Variants in CYP7B1 observed in about 807,000 individuals in gnomAD.
CYP7B1 encodes cytochrome P450 family 7 subfamily B member 1.
CYP7B1 carries 29 observed loss-of-function variants against 42.7 expected under a neutral mutation model. The ratio of observed to expected loss-of-function variants is 0.68; its 90% CI spans 0.51 to 0.93. The LOEUF (loss-of-function observed/expected upper bound fraction) is 0.93, where lower values mean the gene tolerates loss of function less well. Among genes scored for constraint, CYP7B1 ranks in the 40% least tolerant of loss-of-function variants. The pLI is 0.00. For missense variants in CYP7B1, 655 were observed against 600.5 expected (o/e 1.09, Z -0.95); for synonymous variants, 235 against 218.2 (o/e 1.08, Z -0.68).
chr8:64,661,035 T>A (rs1806192550), intron 1 of CYP7B1, among the ~76,000 whole-genome samples: 1 of 152,238 alleles, frequency 6.6e-6, no homozygotes, highest in Non-Finnish European at 1.5e-5. Flanking sequence ...GAAGAGAAGC[T>A]TAATGGAAGC....
chr8:64,609,657 AATTT>A (rs148775285), intron 4 of CYP7B1, among the ~76,000 whole-genome samples: 4,456 of 152,282 alleles, frequency 0.029, 107 homozygotes, highest in Middle Eastern at 0.051. Flanking sequence ...CAGAATTATT[AATTT>A]ATGTCCCTAG....
chr8:64,771,301 C>T (rs1464222619), intron 1 of CYP7B1, among the ~76,000 whole-genome samples: 1 of 151,560 alleles, frequency 6.6e-6, no homozygotes, highest in Non-Finnish European at 1.5e-5. Context: ...ACCTCATGAT[C>T]CGCCCGCCTC....
intron 1 of CYP7B1, among the ~76,000 whole-genome samples, chr8:64,783,000 A>T (rs1804455643): frequency 6.6e-6 from 1 of 152,174 alleles, no homozygotes; most frequent in Non-Finnish European, 1.5e-5. Context: ...GCATAACATG[A>T]TGCACTAAGT....
chr8:64,677,588 G>A (rs1041001384), intron 1 of CYP7B1, among the ~76,000 whole-genome samples: 1 of 151,082 alleles, frequency 6.6e-6, no homozygotes, highest in African/African-American at 2.4e-5. Context: ...AAGCTCTATC[G>A]CCATCACATT....
chr8:64,610,463 C>T (rs1298751503), intron 4 of CYP7B1, among the ~76,000 whole-genome samples: 1 of 152,098 alleles, frequency 6.6e-6, no homozygotes, highest in East Asian at 1.9e-4. Context: ...ATCTTTTAAG[C>T]TTTTGAATAC....
At chr8:64,681,465 C>G (rs1806537048) in intron 1 of CYP7B1, among the ~76,000 whole-genome samples, 1 of 152,172 alleles carries the variant, frequency 6.6e-6, no homozygotes, top group African/African-American at 2.4e-5. Context: ...CCATGTTGAA[C>G]AAGGATGGAT....
intron 1 of CYP7B1, among the ~76,000 whole-genome samples, chr8:64,782,781 C>T (rs940996603): frequency 6.6e-6 from 1 of 152,014 alleles, no homozygotes; most frequent in African/African-American, 2.4e-5. Context: ...CCTGCAGGTC[C>T]CATGAATCAT....
chr8:64,588,231 AAG>A (rs1043547870), downstream of CYP7B1, among the ~76,000 whole-genome samples: 2 of 152,230 alleles, frequency 1.3e-5, no homozygotes, highest in Admixed American at 1.3e-4. Context: ...TAAAATAAAA[AAG>A]AAAAATAGAT....
Position 64,673,732 on chromosome 8 carries a change from G to A in CYP7B1, c.123-49193C>T, listed in dbSNP as rs933149966. ...TTAACCATAATAAACGGGCAGACAA[G>A]GTGACAGTGGAAACAGGTCCTTGAT... On this transcript the variant is annotated intron_variant, in intron 1 of 5. Coordinates refer to ENST00000310193, the MANE Select transcript of CYP7B1 (RefSeq NM_004820.5). Among the ~76,000 whole-genome samples the A allele has an allele frequency of 2.6e-5, 4 of 152,182 alleles. No homozygotes were observed. In the South Asian group the frequency reaches 8.3e-4, roughly 32 times the overall value.
intron 5 of CYP7B1, among the ~76,000 whole-genome samples, chr8:64,598,388 C>A (rs1805149158): frequency 1.3e-5 from 2 of 152,132 alleles, no homozygotes. Context: ...GGGGCTCAAG[C>A]CTGCTTGCCT....
intron 1 of CYP7B1, among the ~76,000 whole-genome samples, chr8:64,652,296 C>T (rs187465328): frequency 1.3e-5 from 2 of 152,216 alleles, no homozygotes; most frequent in Admixed American, 1.3e-4. Flanking sequence ...CTATTCAGAA[C>T]CTGAACTCAA....
At chr8:64,767,889 A>G (rs1804133385) in intron 1 of CYP7B1, among the ~76,000 whole-genome samples, 2 of 152,174 alleles carry the variant, frequency 1.3e-5, no homozygotes, top group Admixed American at 1.3e-4. Context: ...CCATGCTCCA[A>G]TGTTAATGAC....
Position 64,604,876 on chromosome 8 carries a change from C to G in CYP7B1, c.1058-19G>C, listed in dbSNP as rs529157743. ...CTGCTTTCTGAAGGAAAAAAACAAA[C>G]GATAGCTTATTAAGATAGGGCTGGT... is the stretch of plus-strand genomic sequence containing the variant. On this transcript the variant is annotated intron_variant, in intron 4 of 5. Transcript: ENST00000310193. 3.7e-6 allele frequency: 6 copies of G among 1,611,080 alleles called. No homozygotes were observed. The highest frequency in any genetic ancestry group is 2.5e-6 in the Non-Finnish European group (3 of 1,179,258).
Position 64,719,602 on chromosome 8 carries a change from G to T in CYP7B1, c.122+78864C>A, listed in dbSNP as rs1233649484. Among the ~76,000 whole-genome samples the T allele has an allele frequency of 2.0e-5, 3 of 152,214 alleles. No homozygotes were observed. In the East Asian group the frequency reaches 5.8e-4, roughly 29 times the overall value. On this transcript the variant is annotated intron_variant, in intron 1 of 5. Transcript: ENST00000310193. ...TAAAGCATCCAACAATCAGAGTTAA[G>T]GTTTTATTTATTGGCTTTGACCATT...
intron 1 of CYP7B1, among the ~76,000 whole-genome samples, chr8:64,782,069 C>T (rs1170153220): frequency 2.0e-5 from 3 of 152,064 alleles, no homozygotes; most frequent in Non-Finnish European, 2.9e-5. Context: ...CAAAAGTCAC[C>T]ATTTGTATTA....
At chr8:64,602,829 A>C (rs1248956925) in intron 5 of CYP7B1, among the ~76,000 whole-genome samples, 1 of 152,218 alleles carries the variant, frequency 6.6e-6, no homozygotes, top group African/African-American at 2.4e-5. Flanking sequence ...GTTGTTAAGA[A>C]TCAAAGGAAT....
intron 1 of CYP7B1, among the ~76,000 whole-genome samples, chr8:64,696,428 A>C (rs1468366599): frequency 6.6e-6 from 1 of 152,220 alleles, no homozygotes; most frequent in Non-Finnish European, 1.5e-5. Flanking sequence ...ACTGCAAAGC[A>C]AAAAATCAGA....
intron 4 of CYP7B1, among the ~76,000 whole-genome samples, chr8:64,610,286 A>T (rs1805344806): frequency 6.6e-6 from 1 of 152,136 alleles, no homozygotes; most frequent in Non-Finnish European, 1.5e-5. Flanking sequence ...CTTATATTAG[A>T]TATAAAATTT....
chr8:64,614,281 G>A (rs1346455401), intron 4 of CYP7B1, among the ~76,000 whole-genome samples: 3 of 152,066 alleles, frequency 2.0e-5, no homozygotes, highest in Non-Finnish European at 4.4e-5. Context: ...TTGAGGTACA[G>A]ACCTATGTAG....
Sources: gnomAD v4.1 joint callset for allele counts (sites outside exome capture counted in the v4.1 genomes callset) on GRCh38, gnomAD v4.1.1 for gene constraint, MANE v1.5 for transcripts, NCBI Gene and HGNC (gene_info 2026-07-23, HGNC 2026-07-21) for gene names.